Variants in KIFC3 observed in about 807,000 individuals in gnomAD.
The protein encoded by KIFC3 is kinesin family member C3, also known as kinesin-like protein KIFC3.
A neutral mutation model predicts 101.8 loss-of-function variants in KIFC3; 60 were observed. That is an observed-to-expected ratio of 0.59 (90% CI 0.48 to 0.73). KIFC3 has a LOEUF of 0.73. Ranked by LOEUF, KIFC3 falls within the 30% of genes least tolerant of loss-of-function variation. The pLI is 0.00. For synonymous variants in KIFC3, 476 were observed against 482.7 expected, an observed-to-expected ratio of 0.99 and a Z score of 0.18; for missense variants, 966 against 1,137.1, an observed-to-expected ratio of 0.85 and a Z score of 2.16.
At position 57,860,043 on chromosome 16, in the gene KIFC3, A is replaced by AAAATAAAATAAAAT. The variant is rs1491430253; in HGVS notation, c.108+2672_108+2685dup. Among the ~76,000 whole-genome samples the AAAATAAAATAAAAT allele has an allele frequency of 1.7e-3, 197 of 114,398 alleles. 2 individuals are homozygous for AAAATAAAATAAAAT. The highest frequency in any genetic ancestry group is 7.1e-3 in the African/African-American group (185 of 26,006). The allele number at this position is 114,398 out of a possible 152,430, so 75.0% of individuals were successfully genotyped here. On this transcript the variant is annotated intron_variant, in intron 1 of 2. Transcript: ENST00000563028. ...TCTCAAAAATAAAATAAAATAAAATAAAATAAAATAAAATAAAATAAAATA... is the reference window on the plus strand; with the variant it reads ...TCTCAAAAATAAAATAAAATAAAATAAAATAAAATAAAATAAATAAAATAAAATAAAATAAAATA...
Position 57,798,113 on chromosome 16 carries a change from G to T in KIFC3, c.131C>A (p.Ala44Asp), listed in dbSNP as rs1424129009. The T allele has an allele frequency of 7.6e-6, 12 of 1,583,412 alleles. No homozygotes were observed. The African/African-American group carries it at 1.5e-4, about 20-fold the overall frequency. The change falls in exon 2 of 20, where the codon GCC becomes GAC. Residue 44 changes from alanine (A) to aspartate (D), a missense_variant. Transcript: ENST00000445690. ...CGGGCCGGTGTGTGGGAAAGGGCGG[G>T]CGGCCGGGCTGGCTGGGGCTGGGGC... is the stretch of plus-strand genomic sequence containing the variant. The part of the protein sequence containing the change: ...RPAPAPASPA[A>D]RPFPHTGPGR...
At chr16:57,781,202 T>A (rs1230343547) in intron 3 of KIFC3, among the ~76,000 whole-genome samples, 1 of 152,066 alleles carries the variant, frequency 6.6e-6, no homozygotes, top group African/African-American at 2.4e-5. Context: ...GTGGTCCTAG[T>A]TATTCAGGAG....
At chr16:57,862,840 C>T (rs1479330837) in exon 1 of KIFC3, 1 of 1,277,226 alleles carries the variant, frequency 7.8e-7, no homozygotes, top group South Asian at 1.2e-5. Flanking sequence ...GTGCCATTTT[C>T]CGAGCAATAC....
intron 13 of KIFC3, among the ~76,000 whole-genome samples, 177 bp downstream of exon 13, chr16:57,761,963 G>A (rs1007639731): frequency 6.6e-6 from 1 of 152,072 alleles, no homozygotes; most frequent in Non-Finnish European, 1.5e-5. Flanking sequence ...CTCCCTTCAG[G>A]AAGACCCCAC....
At chr16:57,781,039 C>T (rs1457839392) in intron 3 of KIFC3, among the ~76,000 whole-genome samples, 11 of 152,006 alleles carry the variant, frequency 7.2e-5, no homozygotes, top group Admixed American at 4.6e-4. Flanking sequence ...CCGTGAGTGC[C>T]GGTCACAGTG....
intron 18 of KIFC3, 147 bp from the exon 19 acceptor site, chr16:57,759,300 C>CCTG (rs2049520442): frequency 1.0e-6 from 1 of 973,702 alleles, no homozygotes. Flanking sequence ...CCCTGGGTCC[C>CCTG]GGTCCTGTGG....
intron 1 of KIFC3, chr16:57,815,475 C>A (rs2055198786): frequency 2.5e-6 from 3 of 1,224,008 alleles, no homozygotes; most frequent in Non-Finnish European, 3.1e-6. Flanking sequence ...CAAGACTCTG[C>A]CCATCACCCC....
chr16:57,798,083 C>G lies in KIFC3; in HGVS notation c.161G>C (p.Arg54Thr), dbSNP rs1488975512. The G allele has an allele frequency of 4.4e-6, 7 of 1,592,206 alleles. No individual in the cohort carries two copies. In the African/African-American group the frequency reaches 9.4e-5, roughly 21 times the overall value. ...ARPFPHTGPG[R>T]LRTGRGKDTP... ...AAATGCGGACTCACCAGTTCTCAACCTCCCCGGGCCGGTGTGTGGGAAAGG... is the reference window on the plus strand; with the variant it reads ...AAATGCGGACTCACCAGTTCTCAACGTCCCCGGGCCGGTGTGTGGGAAAGG... The change falls in exon 2 of 20, where the codon AGG becomes ACG. Residue 54 changes from arginine to threonine, a missense_variant. Transcript: ENST00000445690.
chr16:57,836,365 A>G (rs2055687273), intron 1 of KIFC3, among the ~76,000 whole-genome samples: 1 of 152,100 alleles, frequency 6.6e-6, no homozygotes, highest in Non-Finnish European at 1.5e-5. Flanking sequence ...CTCCCACCTC[A>G]GCCTCCCACA....
chr16:57,851,185 T>A (rs1178088582), intron 1 of KIFC3, among the ~76,000 whole-genome samples: 1 of 152,042 alleles, frequency 6.6e-6, no homozygotes, highest in Non-Finnish European at 1.5e-5. Flanking sequence ...TAATGTTTTT[T>A]TAATGTTTTG....
intron 3 of KIFC3, chr16:57,775,823 G>C (rs1392672902): frequency 1.0e-6 from 1 of 985,496 alleles, no homozygotes; most frequent in African/African-American, 1.7e-5. Flanking sequence ...CAGCATGGAC[G>C]TCAATCCAGG....
rs148764340 is a variant in KIFC3 at position 57,771,432 on chromosome 16, G to A, written c.531C>T (p.Ser177=). 213 of 1,613,546 alleles carry A rather than the reference G, an allele frequency of 1.3e-4. 1 individual carries two copies. The highest frequency in any genetic ancestry group is 5.7e-4 in the African/African-American group (43 of 75,068). The change falls in exon 6 of 20, where the codon AGC becomes AGT. Residue 177 remains serine, a synonymous_variant. Coordinates refer to ENST00000445690, the MANE Select transcript of KIFC3 (RefSeq NM_001130100.2). ...GGGACAGCTTGTCACGGAGCTGGGC[G>A]CTCTCCTGCAGCCATTGGGAGGCAC... ...PCPGCEHSQE[S]AQLRDKLSQL... is the part of the protein sequence containing the mutation.
Position 57,820,257 on chromosome 16 carries a change from T to C in KIFC3, c.109-21975A>G, listed in dbSNP as rs573345170. Among the ~76,000 whole-genome samples, 3 of 152,316 alleles carry C rather than the reference T, an allele frequency of 2.0e-5. No individual in the cohort carries two copies. In the South Asian group the frequency reaches 6.2e-4, roughly 32 times the overall value. On this transcript the variant is annotated intron_variant, in intron 1 of 2. Transcript: ENST00000563028. ...ACTCCATGCAGCTCAGCTGTCCACT[T>C]TTCAGAGTGACTTTATTTTTTATTT...
chr16:57,810,717 C>T lies in KIFC3; in HGVS notation c.109-12435G>A, dbSNP rs559197462. On this transcript the variant is annotated intron_variant, in intron 1 of 2. Transcript: ENST00000563028. ...GGCTGAGGGACAGCTTCATGCCAGGCAAAGGGAAAAACTCTTTACACACAG... is the reference window on the plus strand; with the variant it reads ...GGCTGAGGGACAGCTTCATGCCAGGTAAAGGGAAAAACTCTTTACACACAG... The T allele has an allele frequency of 1.2e-5, 12 of 983,820 alleles. No homozygotes were observed. In the East Asian group the frequency reaches 1.4e-3, roughly 112 times the overall value. 60.9% of individuals were successfully genotyped at this position (983,820 alleles called of 1,614,324 possible).
At chr16:57,850,975 TTCCTTCC>T (rs1306445140) in intron 1 of KIFC3, among the ~76,000 whole-genome samples, 281 of 16,660 alleles carry the variant, frequency 0.017, 5 homozygotes, top group African/African-American at 0.022. Flanking sequence ...CCTTCCTTCC[TTCCTTCC>T]TTCCTTCCTT....
At chr16:57,761,963 G>T (rs1007639731) in intron 13 of KIFC3, among the ~76,000 whole-genome samples, 177 bp downstream of exon 13, 8 of 152,072 alleles carry the variant, frequency 5.3e-5, no homozygotes, top group African/African-American at 1.9e-4. Context: ...CTCCCTTCAG[G>T]AAGACCCCAC....
intron 9 of KIFC3, among the ~76,000 whole-genome samples, chr16:57,768,400 T>C (rs528791864): frequency 1.1e-4 from 16 of 152,258 alleles, no homozygotes; most frequent in Admixed American, 3.3e-4. Flanking sequence ...TTTATTTCTA[T>C]TATTTCTAAT....
rs1555603257 is a variant in KIFC3, at chr16:57,766,780, A to G, written c.1330+94T>C. ...TTATCTACAGAGATAGGATTAGAAT[A>G]GTGCCTCAATGGTGGGGTGAGCTCC... is the stretch of plus-strand genomic sequence containing the variant. On this transcript the variant is annotated intron_variant, in intron 10 of 19. Transcript: ENST00000445690. The G allele has an allele frequency of 1.3e-5, 10 of 764,990 alleles. 1 individual carries two copies. The South Asian group carries it at 1.4e-4, about 11-fold the overall frequency. 47.4% of individuals were successfully genotyped at this position (764,990 alleles called of 1,614,324 possible).
chr16:57,854,553 G>A (rs1354157787), intron 1 of KIFC3, among the ~76,000 whole-genome samples: 2 of 151,722 alleles, frequency 1.3e-5, no homozygotes, highest in African/African-American at 2.4e-5. Context: ...GCTTGAACCT[G>A]GGAGGTGGAG....
Sources: allele counts gnomAD v4.1 joint callset (sites outside exome capture counted in the v4.1 genomes callset), GRCh38; gene constraint gnomAD v4.1.1; transcripts MANE v1.5; gene names NCBI Gene and HGNC (gene_info 2026-07-23, HGNC 2026-07-21).